DNMT3L: variants seen among roughly 807,000 people sequenced by gnomAD.
DNMT3L encodes the protein DNA methyltransferase 3 like.
Under a neutral mutation model 36.2 loss-of-function variants are expected in DNMT3L, and 33 were observed. The ratio of observed to expected loss-of-function variants is 0.91; its 90% confidence interval spans 0.69 to 1.22. DNMT3L has a LOEUF of 1.22. DNMT3L is among the 50% of genes most tolerant of loss of function. The pLI is 0.00. For synonymous variants in DNMT3L, 117 were observed against 121.7 expected (o/e 0.96, Z 0.26); for missense variants, 310 against 303.1 (o/e 1.02, Z -0.17).
At chr21:44,253,469 C>A (rs2040234786) in intron 8 of DNMT3L, among the ~76,000 whole-genome samples, 1 of 152,026 alleles carries the variant, frequency 6.6e-6, no homozygotes, top group Non-Finnish European at 1.5e-5. Flanking sequence ...GTAATCCCAG[C>A]ACTTTAGGAG....
At chr21:44,254,517 T>A in intron 8 of DNMT3L, 100 bp downstream of exon 8, 1 of 1,370,896 alleles carries the variant, frequency 7.3e-7, no homozygotes, top group Admixed American at 2.0e-5. Context: ...TCCCAGCCCC[T>A]GCTGCCGCCT....
At chr21:44,256,321 C>T (rs1164361407) in intron 6 of DNMT3L, among the ~76,000 whole-genome samples, 167 bp from the exon 7 acceptor site, 1 of 151,816 alleles carries the variant, frequency 6.6e-6, no homozygotes, top group African/African-American at 2.4e-5. Flanking sequence ...ACCAGCACTG[C>T]CCCCCCAGGA....
At chr21:44,261,356 G>A in intron 1 of DNMT3L, 90 bp from the exon 2 acceptor site, 1 of 1,294,090 alleles carries the variant, frequency 7.7e-7, no homozygotes, top group African/African-American at 1.5e-5. Flanking sequence ...GCAGCTTGCT[G>A]AGCAGACCTT....
At position 44,256,051 on chromosome 21, in the gene DNMT3L, G is replaced by T. The variant is rs1449751717; in HGVS notation, c.604+16C>A. 1.2e-6 allele frequency: 2 copies of T among 1,613,424 alleles called. No homozygotes were observed. Among genetic ancestry groups the T allele is most frequent in the South Asian group, 2.2e-5 (2 of 91,058 alleles). On this transcript the variant is annotated intron_variant, in intron 7 of 11. Coordinates refer to ENST00000628202, the MANE Select transcript of DNMT3L (RefSeq NM_175867.3). Reference sequence around the variant, plus strand: ...GGCATCTTTCCATGTGTGTCTTTGGGACATCACTGACTCACCTTTCTTGAT... The same window carrying T: ...GGCATCTTTCCATGTGTGTCTTTGGTACATCACTGACTCACCTTTCTTGAT...
intron 2 of DNMT3L, 91 bp from the exon 3 acceptor site, chr21:44,260,930 C>G (rs956995780): frequency 1.3e-6 from 2 of 1,596,844 alleles, no homozygotes; most frequent in African/African-American, 1.3e-5. Flanking sequence ...AATTCGTTTT[C>G]CAAAGTCACA....
In DNMT3L at chr21:44,253,487, C is replaced by A. The variant is rs553951904; in HGVS notation, c.693+1130G>T. Among the ~76,000 whole-genome samples the A allele has an allele frequency of 2.4e-4, 37 of 152,166 alleles. No homozygotes were observed. In the South Asian group the frequency reaches 6.6e-3, roughly 27 times the overall value. The stretch of plus-strand genomic sequence containing the variant: ...ATCCCAGCACTTTAGGAGGCCAAGG[C>A]GGGTGGATCACCTGAGATCAGGAGT... On this transcript the variant is annotated intron_variant, in intron 8 of 11. Transcript: ENST00000628202.
rs1302242639 is a variant in DNMT3L, at chr21:44,258,581, A to G, written c.458T>C (p.Leu153Pro). ...YLCLPSSRSG[L>P]LQRRRKWRSQ... is the part of the protein sequence containing the mutation. Reference sequence around the variant, plus strand: ...GCGCCACTTCCTCCGACGCTGCAGCAGCCCGCTTCGGGAGGACGGCAGGCA... The same window carrying G: ...GCGCCACTTCCTCCGACGCTGCAGCGGCCCGCTTCGGGAGGACGGCAGGCA... The change falls in exon 6 of 12, where the codon CTG (leucine) becomes CCG (proline). Residue 153 changes from leucine to proline, a missense_variant. Physicochemically the swap from Leu to Pro is moderately conservative, Grantham distance 98 (BLOSUM62 -3). Coordinates refer to ENST00000628202, the MANE Select transcript of DNMT3L (RefSeq NM_175867.3). The surrounding 1 kb of genome is among the most constrained non-coding windows in gnomAD (Gnocchi z 6.2). 6.2e-7 allele frequency: 1 copy of G among 1,609,670 alleles called. No individual in the cohort carries two copies. Among genetic ancestry groups the G allele is most frequent in the Non-Finnish European group, 8.5e-7 (1 of 1,178,614 alleles).
Position 44,258,529 on chromosome 21 carries a change from T to G in DNMT3L, c.510A>C (p.Arg170=). ...CCCTCCACGGGCTCCTTACCGACTC[T>G]CGGTCGTAGAAGGCCTTGAGCTGGC... The part of the protein sequence containing the change: ...WRSQLKAFYD[R]ESENPLEMFE... Residue 170 remains arginine, a synonymous_variant, in exon 6 of 12, where the codon CGA becomes CGC. Transcript: ENST00000628202. The surrounding 1 kb of genome is among the most constrained non-coding windows in gnomAD (Gnocchi z 6.2). 5.7e-6 allele frequency: 9 copies of G among 1,568,052 alleles called. No individual in the cohort carries two copies. Among genetic ancestry groups the G allele is most frequent in the Non-Finnish European group, 7.8e-6 (9 of 1,156,244 alleles).
Position 44,259,414 on chromosome 21 carries a change from C to T in DNMT3L, c.344+23G>A. ...GGTGTGTCCTCAGCCCCTTCACCCC[C>T]CTGGGCAGGCCCCTCGCCTCACCGG... On this transcript the variant is annotated intron_variant, in intron 5 of 11. Transcript: ENST00000628202. 2.5e-6 allele frequency: 4 copies of T among 1,612,508 alleles called. No homozygotes were observed. In the South Asian group the frequency reaches 3.3e-5, roughly 13 times the overall value.
At chr21:44,254,742 G>C (rs1343086273) in intron 7 of DNMT3L, 37 bp from the exon 8 acceptor site, 1 of 1,610,172 alleles carries the variant, frequency 6.2e-7, no homozygotes, top group South Asian at 1.1e-5. Flanking sequence ...CAGAGGGTGA[G>C]CGTGGATTGT....
At chr21:44,254,518 G>GCTGC in intron 8 of DNMT3L, 99 bp downstream of exon 8, 1 of 1,374,404 alleles carries the variant, frequency 7.3e-7, no homozygotes, top group Non-Finnish European at 1.0e-6. Context: ...CCCAGCCCCT[G>GCTGC]CTGCCGCCTC....
intron 6 of DNMT3L, 53 bp from the exon 7 acceptor site, chr21:44,256,207 G>T (rs2040257850): frequency 1.3e-6 from 2 of 1,578,600 alleles, no homozygotes; most frequent in Admixed American, 1.7e-5. Context: ...TGGCTACAGA[G>T]CCCTTGAGTT....
rs1279141477 is a variant in DNMT3L, at chr21:44,258,531, G to A, written c.508C>T (p.Arg170Ter). ...WRSQLKAFYDRESENPLEMFE... is the reference protein window; with the variant it reads ...WRSQLKAFYD ...CTCCACGGGCTCCTTACCGACTCTC[G>A]GTCGTAGAAGGCCTTGAGCTGGCTG... The change falls in exon 6 of 12, where the codon CGA (arginine) becomes TGA (stop). Residue 170 changes from arginine (R) to a stop codon, truncating the protein, a stop_gained. Coordinates refer to ENST00000628202, the MANE Select transcript of DNMT3L (RefSeq NM_175867.3). LOFTEE classifies it high-confidence loss of function. This position sits in a 1 kb window ranked among gnomAD's most constrained non-coding sequence, Gnocchi z 6.2. The A allele has an allele frequency of 1.1e-5, 18 of 1,569,998 alleles. No individual in the cohort carries two copies. The highest frequency in any genetic ancestry group is 2.7e-5 in the African/African-American group (2 of 73,992).
At chr21:44,256,273 A>G (rs1412248368) in intron 6 of DNMT3L, 119 bp from the exon 7 acceptor site, 55 of 1,034,900 alleles carry the variant, frequency 5.3e-5, no homozygotes, top group Middle Eastern at 2.0e-4. Flanking sequence ...GGAGACACAC[A>G]TAAGACACAC....
intron 2 of DNMT3L, 42 bp from the exon 3 acceptor site, chr21:44,260,881 G>T: frequency 6.2e-7 from 1 of 1,612,412 alleles, no homozygotes; most frequent in South Asian, 1.1e-5. Context: ...TTCTTCCTCT[G>T]ATCTCTTAAT....
chr21:44,255,922 T>C (rs144166810), intron 7 of DNMT3L, 145 bp downstream of exon 7: 60 of 733,076 alleles, frequency 8.2e-5, no homozygotes, highest in Non-Finnish European at 1.2e-4. Context: ...AGGGTTAGCA[T>C]GGGCCCAGGG....
intron 7 of DNMT3L, among the ~76,000 whole-genome samples, chr21:44,255,708 C>G (rs2040252004): frequency 6.6e-6 from 1 of 152,218 alleles, no homozygotes; most frequent in Admixed American, 6.5e-5. Context: ...ACAGGCTGTG[C>G]AGGCGCTGCG....
In DNMT3L at chr21:44,259,455, C is replaced by T; in HGVS notation, c.326G>A (p.Gly109Glu). 6.2e-7 allele frequency: 1 copy of T among 1,613,616 alleles called. No homozygotes were observed. The highest frequency in any genetic ancestry group is 8.5e-7 in the Non-Finnish European group (1 of 1,179,998). The change falls in exon 5 of 12, where the codon GGA becomes GAA. Residue 109 changes from glycine to glutamate, a missense_variant. Physicochemically the swap from Gly to Glu is moderately conservative, Grantham distance 98. Transcript: ENST00000628202. ...CCSGETLLIC[G>E]NPDCTRCYCF... is the part of the protein sequence containing the mutation. ...GCCTCACCGGGTGCAATCAGGGTTT[C>T]CGCAGATGAGCAGCGTCTCTCCGGA...
chr21:44,259,609 T>A, intron 4 of DNMT3L, 23 bp downstream of exon 4: 2 of 1,612,040 alleles, frequency 1.2e-6, no homozygotes, highest in Non-Finnish European at 1.7e-6. Context: ...CATGAGGGAG[T>A]CACCCCCAGC....
Sources: allele counts gnomAD v4.1 joint callset (sites outside exome capture counted in the v4.1 genomes callset), GRCh38; gene constraint gnomAD v4.1.1; non-coding constraint Gnocchi (gnomAD v3.1); transcripts MANE v1.5; gene names NCBI Gene and HGNC (gene_info 2026-07-23, HGNC 2026-07-21).